The following ZNF618 variants were observed in gnomAD, a reference collection of about 807,000 sequenced individuals.
ZNF618 encodes neural precursor cell expressed, developmentally down-regulated 10.
ZNF618 carries 34 observed loss-of-function variants against 103.0 expected under a neutral mutation model. The ratio of observed to expected loss-of-function variants is 0.33; its 90% CI spans 0.25 to 0.44. ZNF618 has a LOEUF of 0.44. Among genes scored for constraint, ZNF618 ranks in the 20% least tolerant of loss-of-function variants. The probability of loss-of-function intolerance (pLI) is 1.00; values close to 1 mark genes in which losing one functional copy is unlikely to be tolerated. For missense variants in ZNF618, 1,059 were observed against 1,295.4 expected (o/e 0.82, Z 2.80); for synonymous variants, 551 against 542.2 (o/e 1.02, Z -0.23).
At chr9:114,007,992 G>C (rs763298120) in intron 7 of ZNF618, among the ~76,000 whole-genome samples, 1 of 152,096 alleles carries the variant, frequency 6.6e-6, no homozygotes, top group Non-Finnish European at 1.5e-5. Context: ...TTCTCACCTC[G>C]TCTTTCTCTC....
chr9:113,984,612 T>C (rs943875843), intron 2 of ZNF618, among the ~76,000 whole-genome samples: 1 of 152,208 alleles, frequency 6.6e-6, no homozygotes, highest in Non-Finnish European at 1.5e-5. Flanking sequence ...TCAGGTGGCA[T>C]GGTCAGGTGC....
chr9:113,939,326 A>G (rs1468612969), intron 1 of ZNF618, among the ~76,000 whole-genome samples: 1 of 152,116 alleles, frequency 6.6e-6, no homozygotes, highest in East Asian at 1.9e-4. Flanking sequence ...GCCTCATACT[A>G]TCTCAGAAGA....
At chr9:113,919,636 G>A (rs1046425013) in intron 1 of ZNF618, among the ~76,000 whole-genome samples, 1 of 152,206 alleles carries the variant, frequency 6.6e-6, no homozygotes, top group Non-Finnish European at 1.5e-5. Context: ...CAACGGCGGG[G>A]CCAGCCCTCT....
chr9:113,902,299 A>G (rs967394237), intron 1 of ZNF618, among the ~76,000 whole-genome samples: 1 of 152,206 alleles, frequency 6.6e-6, no homozygotes, highest in African/African-American at 2.4e-5. Context: ...GAATTAATAC[A>G]TGTAAACACT....
intron 10 of ZNF618, among the ~76,000 whole-genome samples, chr9:114,018,324 C>G (rs1227567594): frequency 1.3e-5 from 2 of 152,236 alleles, no homozygotes; most frequent in Non-Finnish European, 2.9e-5. Flanking sequence ...GGCCTGTGCC[C>G]CTCTGGAGAT....
At chr9:114,033,389 AAGAG>A (rs10624141) in intron 12 of ZNF618, among the ~76,000 whole-genome samples, 16,524 of 147,076 alleles carry the variant, frequency 0.11, 1,928 homozygotes, top group African/African-American at 0.3. Flanking sequence ...CTGTCTCAAA[AAGAG>A]AGAGAGAGAG....
At chr9:113,967,892 T>A (rs545047746) in intron 1 of ZNF618, among the ~76,000 whole-genome samples, 8 of 152,278 alleles carry the variant, frequency 5.3e-5, no homozygotes, top group Admixed American at 3.3e-4. Context: ...CATGGGGTTA[T>A]CCAGTTTAAT....
At chr9:114,040,450 T>G (rs1046760687) in intron 13 of ZNF618, among the ~76,000 whole-genome samples, 1 of 152,110 alleles carries the variant, frequency 6.6e-6, no homozygotes, top group African/African-American at 2.4e-5. Flanking sequence ...TAACTCGTCA[T>G]TTACATTAGG....
intron 1 of ZNF618, among the ~76,000 whole-genome samples, chr9:113,896,577 T>C (rs75429548): frequency 0.036 from 5,490 of 152,142 alleles, 138 homozygotes; most frequent in Non-Finnish European, 0.053. Flanking sequence ...GATTTATTTT[T>C]TGCTTGTATT....
chr9:114,007,056 A>G (rs1841813572), intron 6 of ZNF618, among the ~76,000 whole-genome samples: 1 of 152,188 alleles, frequency 6.6e-6, no homozygotes, highest in African/African-American at 2.4e-5. Context: ...GTCAGTTACC[A>G]GGTCTAGTCC....
At chr9:113,975,395 T>C (rs979035940) in intron 2 of ZNF618, among the ~76,000 whole-genome samples, 1 of 152,232 alleles carries the variant, frequency 6.6e-6, no homozygotes, top group African/African-American at 2.4e-5. Flanking sequence ...GATAACCACA[T>C]GTGTGTGGCT....
chr9:113,889,768 C>T (rs1829450457), intron 1 of ZNF618, among the ~76,000 whole-genome samples: 1 of 152,184 alleles, frequency 6.6e-6, no homozygotes, highest in African/African-American at 2.4e-5. Context: ...ATCTTTCCAC[C>T]CTTCAGACGT....
At chr9:113,952,399 A>C (rs1835859177) in intron 1 of ZNF618, among the ~76,000 whole-genome samples, 1 of 152,134 alleles carries the variant, frequency 6.6e-6, no homozygotes, top group South Asian at 2.1e-4. Flanking sequence ...TTTTTTCCCC[A>C]CTGGGTGTCT....
intron 3 of ZNF618, among the ~76,000 whole-genome samples, chr9:113,993,960 C>A (rs1254544202): frequency 1.2e-4 from 18 of 152,168 alleles, no homozygotes; most frequent in Admixed American, 1.1e-3. Flanking sequence ...GGACATAAGC[C>A]TGTGAGGGAG....
At chr9:114,002,945 T>C (rs942287) in intron 6 of ZNF618, among the ~76,000 whole-genome samples, 48,833 of 152,108 alleles carry the variant, frequency 0.32, 8,765 homozygotes, top group East Asian at 0.61. Flanking sequence ...AGACCTTGAG[T>C]TTCACTAAGG....
At chr9:113,905,486 G>A (rs927076842) in intron 1 of ZNF618, among the ~76,000 whole-genome samples, 22 of 152,170 alleles carry the variant, frequency 1.4e-4, no homozygotes, top group Admixed American at 1.2e-3. Flanking sequence ...TCATTTTTGT[G>A]TACTGTCCGT....
At chr9:113,948,663 A>G (rs1189791742) in intron 1 of ZNF618, among the ~76,000 whole-genome samples, 1 of 152,188 alleles carries the variant, frequency 6.6e-6, no homozygotes, top group Non-Finnish European at 1.5e-5. Flanking sequence ...GTCCATCCAC[A>G]TATTTTTGAG....
At chr9:114,047,210 C>T (rs570374673) in intron 13 of ZNF618, among the ~76,000 whole-genome samples, 22 of 152,156 alleles carry the variant, frequency 1.4e-4, no homozygotes, top group Non-Finnish European at 2.9e-4. Flanking sequence ...GTGCAATTAA[C>T]AAAAAACTAG....
chr9:114,042,220 A>G lies in ZNF618; in HGVS notation c.1247-5673A>G, dbSNP rs138884401. ...ACCATAATTTCACTATTCAAAGCTAATCGCTGTTACCAACTTAATAGGTTT... is the reference window on the plus strand; with the variant it reads ...ACCATAATTTCACTATTCAAAGCTAGTCGCTGTTACCAACTTAATAGGTTT... On this transcript the variant is annotated intron_variant, in intron 13 of 14. Transcript: ENST00000374126. Among the ~76,000 whole-genome samples the G allele has an allele frequency of 7.7e-3, 1,171 of 152,366 alleles. 14 individuals carry two copies. The highest frequency in any genetic ancestry group is 0.026 in the African/African-American group (1,098 of 41,586).
Sources: allele counts gnomAD v4.1 joint callset (sites outside exome capture counted in the v4.1 genomes callset), GRCh38; gene constraint gnomAD v4.1.1; transcripts MANE v1.5; gene names NCBI Gene and HGNC (gene_info 2026-07-23, HGNC 2026-07-21).